Variants in CD80 observed in about 807,000 individuals in gnomAD.
The protein encoded by CD80 is CD80 molecule, also known as T-lymphocyte activation antigen CD80.
In CD80, 13 loss-of-function variants were observed where a neutral mutation model predicts 27.1. That is an observed-to-expected ratio of 0.48 (90% confidence interval 0.31 to 0.76). The LOEUF (loss-of-function observed/expected upper bound fraction) is 0.76. CD80 is among the 30% of genes least tolerant of loss of function. The pLI is 0.04. For synonymous variants in CD80, 125 were observed against 125.5 expected (o/e 1.00, Z 0.03); for missense variants, 277 against 347.9 (o/e 0.80, Z 1.62).
At chr3:119,532,745 C>A (rs1434130790) in intron 4 of CD80, among the ~76,000 whole-genome samples, 1 of 152,178 alleles carries the variant, frequency 6.6e-6, no homozygotes, top group Non-Finnish European at 1.5e-5. Flanking sequence ...ATCTCTGGAA[C>A]TTACTGCTTT....
At chr3:119,548,594 A>G (rs948484826) in intron 2 of CD80, among the ~76,000 whole-genome samples, 7 of 152,220 alleles carry the variant, frequency 4.6e-5, no homozygotes, top group African/African-American at 1.7e-4. Context: ...CCCCAGTTTT[A>G]CACATTTTTT....
intron 4 of CD80, among the ~76,000 whole-genome samples, chr3:119,532,299 C>T (rs9833154): frequency 0.34 from 51,507 of 151,700 alleles, 9,372 homozygotes; most frequent in East Asian, 0.61. Context: ...GTCAGGAGTT[C>T]GAGACCAGCC....
chr3:119,544,930 G>A (rs2082191939), intron 2 of CD80, 63 bp from the exon 3 acceptor site: 1 of 1,372,688 alleles, frequency 7.3e-7, no homozygotes, highest in South Asian at 1.3e-5. Flanking sequence ...GCATGGTCAG[G>A]AATCCAAAGT....
rs267599556 is a variant in CD80, at chr3:119,557,715, C to G, written c.14G>C (p.Arg5Pro). Residue 5 changes from arginine (R) to proline (P), a missense_variant, in exon 2 of 7, where the codon CGG (arginine) becomes CCG (proline). Transcript: ENST00000264246. The part of the protein sequence containing the change: MGHT[R>P]RQGTSPSKCP... ...CTTGGATGGTGATGTTCCCTGCCTC[C>G]GTGTGTGGCCCATGGCTTCAGATGC... 6.2e-7 allele frequency: 1 copy of G among 1,612,084 alleles called. No individual in the cohort carries two copies. Among genetic ancestry groups the G allele is most frequent in the South Asian group, 1.1e-5 (1 of 90,732 alleles).
chr3:119,537,621 G>T (rs1445801709), intron 3 of CD80, among the ~76,000 whole-genome samples: 1 of 152,086 alleles, frequency 6.6e-6, no homozygotes, highest in African/African-American at 2.4e-5. Context: ...GGCTAACATG[G>T]CAAAACCCCA....
intron 1 of CD80, among the ~76,000 whole-genome samples, chr3:119,558,434 G>GA (rs1432433200): frequency 2.6e-5 from 4 of 151,914 alleles, no homozygotes; most frequent in African/African-American, 9.7e-5. Flanking sequence ...AAAAGGGAGG[G>GA]AAAAAAAGAC....
At chr3:119,536,932 C>T (rs2082142500) in intron 4 of CD80, among the ~76,000 whole-genome samples, 1 of 152,192 alleles carries the variant, frequency 6.6e-6, no homozygotes, top group South Asian at 2.1e-4. Context: ...GGTGTGTAGC[C>T]TCAGAGCACT....
chr3:119,553,879 G>A (rs1367306648), intron 2 of CD80, among the ~76,000 whole-genome samples: 1 of 152,154 alleles, frequency 6.6e-6, no homozygotes, highest in Non-Finnish European at 1.5e-5. Flanking sequence ...CCTGGTTTGT[G>A]CACACTCTTC....
intron 2 of CD80, among the ~76,000 whole-genome samples, chr3:119,547,708 T>C (rs2082209299): frequency 1.3e-5 from 2 of 152,180 alleles, no homozygotes; most frequent in Admixed American, 6.5e-5. Context: ...TAGAACCGGG[T>C]TGTCACTTCC....
chr3:119,530,997 T>C (rs888400648), intron 4 of CD80, among the ~76,000 whole-genome samples: 2 of 152,238 alleles, frequency 1.3e-5, no homozygotes, highest in Admixed American at 6.5e-5. Context: ...AGTAGTTTAG[T>C]GTTAAAGATT....
intron 6 of CD80, 142 bp from the exon 7 acceptor site, chr3:119,525,891 G>A (rs1028777001): frequency 6.8e-6 from 1 of 146,552 alleles, no homozygotes. Flanking sequence ...AATTATATAT[G>A]TATATATATA....
chr3:119,535,128 G>T (rs1488436999), intron 4 of CD80, among the ~76,000 whole-genome samples: 1 of 150,842 alleles, frequency 6.6e-6, no homozygotes, highest in Admixed American at 6.6e-5. Context: ...GGAGGCGGAG[G>T]TTACAGTGAG....
intron 2 of CD80, among the ~76,000 whole-genome samples, chr3:119,552,773 G>T (rs1026500242): frequency 3.9e-5 from 6 of 152,136 alleles, no homozygotes; most frequent in Admixed American, 3.9e-4. Flanking sequence ...CAACATGGAT[G>T]AACCTGAAAG....
intron 2 of CD80, among the ~76,000 whole-genome samples, chr3:119,554,910 A>G (rs931049649): frequency 3.3e-5 from 5 of 152,188 alleles, no homozygotes; most frequent in African/African-American, 1.2e-4. Context: ...GGTTTTGCAC[A>G]GTCACTGTGG....
At chr3:119,528,380 A>G (rs933880753) in intron 5 of CD80, among the ~76,000 whole-genome samples, 1 of 152,138 alleles carries the variant, frequency 6.6e-6, no homozygotes, top group Non-Finnish European at 1.5e-5. Flanking sequence ...ATCAGTGTAC[A>G]TGATTTCTAC....
At chr3:119,554,925 C>A (rs2082254364) in intron 2 of CD80, among the ~76,000 whole-genome samples, 2 of 152,146 alleles carry the variant, frequency 1.3e-5, no homozygotes, top group African/African-American at 2.4e-5. Context: ...CTGTGGCTGC[C>A]CTACAAGCCA....
intron 4 of CD80, among the ~76,000 whole-genome samples, chr3:119,531,552 C>T (rs2082111525): frequency 6.6e-6 from 1 of 152,212 alleles, no homozygotes; most frequent in Non-Finnish European, 1.5e-5. Context: ...CAGGAGCATG[C>T]ACCACAGGCG....
At chr3:119,528,500 CA>C (rs2086859003) in intron 5 of CD80, among the ~76,000 whole-genome samples, 1 of 152,212 alleles carries the variant, frequency 6.6e-6, no homozygotes, top group Admixed American at 6.5e-5. Flanking sequence ...ATATGTCTAA[CA>C]CCCAAAGTGT....
intron 3 of CD80, 152 bp from the exon 4 acceptor site, chr3:119,537,570 G>A: frequency 1.7e-6 from 1 of 601,346 alleles, no homozygotes; most frequent in East Asian, 2.9e-5. Context: ...GGGAGGCCGA[G>A]GCAGGTGGAA....
Sources: gnomAD v4.1 joint callset for allele counts (sites outside exome capture counted in the v4.1 genomes callset) on GRCh38, gnomAD v4.1.1 for gene constraint, MANE v1.5 for transcripts, NCBI Gene and HGNC (gene_info 2026-07-23, HGNC 2026-07-21) for gene names.